Variants in PML observed in about 807,000 individuals in gnomAD.
PML encodes protein PML.
Under a neutral mutation model 65.2 loss-of-function variants are expected in PML, and 28 were observed. The observed-to-expected ratio is 0.43, with a 90% confidence interval of 0.32 to 0.59. PML has a LOEUF of 0.59. Ranked by LOEUF, PML falls within the 20% of genes least tolerant of loss-of-function variation. The pLI is 0.08. For missense variants in PML, 1,021 were observed against 1,203.4 expected, an observed-to-expected ratio of 0.85 and a Z score of 2.24; for synonymous variants, 500 against 508.8, an observed-to-expected ratio of 0.98 and a Z score of 0.23.
rs760364748 is a variant in PML, at chr15:73,998,312, C to T, written c.438C>T (p.Leu146=). ...ADFWCFECEQ[L]LCAKCFEAHQ... ...TCTGGTGCTTTGAGTGCGAGCAGCTCCTCTGCGCCAAGTGCTTCGAGGCAC... is the reference window on the plus strand; with the variant it reads ...TCTGGTGCTTTGAGTGCGAGCAGCTTCTCTGCGCCAAGTGCTTCGAGGCAC... The change falls in exon 2 of 9, where the codon CTC becomes CTT. Residue 146 remains leucine (L), a synonymous_variant. Transcript: ENST00000268058. The T allele has an allele frequency of 8.7e-6, 14 of 1,614,082 alleles. No homozygotes were observed. The East Asian group carries it at 2.7e-4, about 31-fold the overall frequency.
chr15:74,004,144 C>T (rs982344998), intron 2 of PML, among the ~76,000 whole-genome samples: 1 of 152,082 alleles, frequency 6.6e-6, no homozygotes, highest in African/African-American at 2.4e-5. Flanking sequence ...GGGTCTCACT[C>T]TGTCACCCAG....
chr15:74,010,517 T>TAA (rs59230084), intron 2 of PML, among the ~76,000 whole-genome samples: 6 of 133,548 alleles, frequency 4.5e-5, no homozygotes, highest in South Asian at 2.4e-4. Flanking sequence ...GCCTTGTCTC[T>TAA]AAAAAAAAAA....
Position 74,035,061 on chromosome 15 carries a change from C to G in PML, c.1710+531C>G. ...GTCCCTAGAGGTTTATTACTAGAGG[C>G]TGGACTATCACCTGTCCAGGGGAAA... On this transcript the variant is annotated intron_variant, in intron 7 of 8. Coordinates refer to ENST00000268058, the MANE Select transcript of PML (RefSeq NM_033238.3). The surrounding 1 kb of genome is among the most constrained non-coding windows in gnomAD (Gnocchi z 4.1). The G allele has an allele frequency of 7.4e-7, 1 of 1,354,532 alleles. No individual in the cohort carries two copies. The highest frequency in any genetic ancestry group is 1.7e-5 in the Admixed American group (1 of 59,496). The allele number at this position is 1,354,532 out of a possible 1,614,324, so 83.9% of individuals were successfully genotyped here.
chr15:74,032,482 C>G (rs1023202699), intron 4 of PML, 90 bp from the exon 5 acceptor site: 58 of 1,404,604 alleles, frequency 4.1e-5, no homozygotes, highest in Non-Finnish European at 5.6e-5. Flanking sequence ...CTTGGTGAGG[C>G]CCCAGGGATT....
chr15:74,002,444 C>CTTTTTTTTTTTTTTTTT (rs71137368), intron 2 of PML, among the ~76,000 whole-genome samples: 3 of 104,762 alleles, frequency 2.9e-5, no homozygotes, highest in Non-Finnish European at 5.5e-5. Flanking sequence ...TCTTTCTTTT[C>CTTTTTTTTTTTTTTTTT]TTTTTTTTTT....
chr15:74,013,416 A>T (rs965034406), intron 2 of PML, among the ~76,000 whole-genome samples: 42 of 152,360 alleles, frequency 2.8e-4, no homozygotes, highest in African/African-American at 9.9e-4. Context: ...ATATTTTTAT[A>T]AAAGTGCTTG....
intron 2 of PML, among the ~76,000 whole-genome samples, chr15:74,013,875 C>A (rs2070442941): frequency 6.6e-6 from 1 of 152,116 alleles, no homozygotes; most frequent in African/African-American, 2.4e-5. Flanking sequence ...CATGTAAATC[C>A]AAATTGAATA....
intron 7 of PML, among the ~76,000 whole-genome samples, chr15:74,038,992 C>T (rs565553231): frequency 5.3e-5 from 8 of 152,322 alleles, no homozygotes; most frequent in Middle Eastern, 3.4e-3. Flanking sequence ...GTCAGCAGTG[C>T]GCCTGCCCTG....
At chr15:74,005,405 C>T (rs2069992627) in intron 2 of PML, among the ~76,000 whole-genome samples, 1 of 152,078 alleles carries the variant, frequency 6.6e-6, no homozygotes, top group Admixed American at 6.6e-5. Context: ...ATTGGAACTC[C>T]AAGAACATAT....
intron 2 of PML, among the ~76,000 whole-genome samples, chr15:74,017,283 C>T (rs2070636736): frequency 6.6e-6 from 1 of 152,170 alleles, no homozygotes; most frequent in Admixed American, 6.5e-5. Context: ...AACTTCATTC[C>T]TGCCCCCTAC....
At chr15:74,038,564 CT>C (rs1207997160) in intron 7 of PML, among the ~76,000 whole-genome samples, 1 of 152,068 alleles carries the variant, frequency 6.6e-6, no homozygotes, top group Non-Finnish European at 1.5e-5. Flanking sequence ...TAGGTCCCCC[CT>C]ATGCATTTCT....
chr15:74,044,122 T>A, intron 8 of PML, 99 bp from the exon 9 acceptor site: 2 of 1,153,068 alleles, frequency 1.7e-6, no homozygotes, highest in Non-Finnish European at 2.6e-6. Flanking sequence ...CAAGGTGAGG[T>A]CTCTAGATGG....
chr15:74,029,481 G>A (rs1411811940), intron 4 of PML, among the ~76,000 whole-genome samples: 1 of 151,984 alleles, frequency 6.6e-6, no homozygotes, highest in Non-Finnish European at 1.5e-5. Flanking sequence ...AACATTAGCC[G>A]GGCGTGATGG....
rs2071507913 is a variant in PML at position 74,035,448 on chromosome 15, C to T, written c.1710+918C>T. 1 of 1,612,354 alleles carries T rather than the reference C, an allele frequency of 6.2e-7. No individual in the cohort carries two copies. The highest frequency in any genetic ancestry group is 1.3e-5 in the African/African-American group (1 of 74,904). On this transcript the variant is annotated intron_variant, in intron 7 of 8. Coordinates refer to ENST00000268058, the MANE Select transcript of PML (RefSeq NM_033238.3). The surrounding 1 kb of genome is among the most constrained non-coding windows in gnomAD (Gnocchi z 4.1). The stretch of plus-strand genomic sequence containing the variant: ...GATCCGCTACCTGTTGTACAGAGCA[C>T]AGAGAGCCATCCGCCTTCGCCATGC...
At chr15:74,020,176 T>C (rs2070769569) in intron 2 of PML, among the ~76,000 whole-genome samples, 1 of 152,198 alleles carries the variant, frequency 6.6e-6, no homozygotes, top group Non-Finnish European at 1.5e-5. Context: ...GAGCACTATG[T>C]ATCAGTCTGG....
chr15:74,015,135 T>C (rs911181029), intron 2 of PML, among the ~76,000 whole-genome samples: 6 of 152,168 alleles, frequency 3.9e-5, no homozygotes, highest in Non-Finnish European at 4.4e-5. Flanking sequence ...ACCTCAGGCT[T>C]TCCCCTCTCC....
At chr15:74,028,128 CCT>C (rs2071163352) in intron 4 of PML, 1 of 152,298 alleles carries the variant, frequency 6.6e-6, no homozygotes, top group Admixed American at 6.5e-5. Flanking sequence ...TATTTTCCCT[CCT>C]CTGTTTTTCA....
At position 74,036,082 on chromosome 15, in the gene PML, A is replaced by T. The variant is rs2071549472; in HGVS notation, c.1710+1552A>T. 2.5e-6 allele frequency: 4 copies of T among 1,613,932 alleles called. No individual in the cohort carries two copies. In the South Asian group the frequency reaches 4.4e-5, roughly 18 times the overall value. On this transcript the variant is annotated intron_variant, in intron 7 of 8. Transcript: ENST00000268058. ...TTAATTCTTGGTTAAGGAATGAATCAACGAATGAATGGCTATGCATGGACC... is the reference window on the plus strand; with the variant it reads ...TTAATTCTTGGTTAAGGAATGAATCTACGAATGAATGGCTATGCATGGACC...
chr15:74,009,668 T>C (rs1236984017), intron 2 of PML, among the ~76,000 whole-genome samples: 1 of 152,146 alleles, frequency 6.6e-6, no homozygotes, highest in Non-Finnish European at 1.5e-5. Context: ...TGGAGTGCAG[T>C]GGCACAGTCA....
Sources: allele counts gnomAD v4.1 joint callset (sites outside exome capture counted in the v4.1 genomes callset), GRCh38; gene constraint gnomAD v4.1.1; non-coding constraint Gnocchi (gnomAD v3.1); transcripts MANE v1.5; gene names NCBI Gene and HGNC (gene_info 2026-07-23, HGNC 2026-07-21).